Variants in POU6F2 observed in about 807,000 individuals in gnomAD.
POU6F2 encodes POU class 6 homeobox 2, also known as POU domain, class 6, transcription factor 2.
A neutral mutation model predicts 71.3 loss-of-function variants in POU6F2; 31 were observed. The ratio of observed to expected loss-of-function variants is 0.43; its 90% CI spans 0.33 to 0.59. The LOEUF is 0.59. POU6F2 is among the 20% of genes least tolerant of loss of function. The pLI is 0.04. For synonymous variants in POU6F2, 347 were observed against 355.7 expected (o/e 0.98, Z 0.27); for missense variants, 783 against 856.8 (o/e 0.91, Z 1.07).
intron 1 of POU6F2, among the ~76,000 whole-genome samples, chr7:39,017,336 A>G (rs1789579972): frequency 6.6e-6 from 1 of 152,186 alleles, no homozygotes; most frequent in Non-Finnish European, 1.5e-5. Context: ...TGATTTATGT[A>G]ATCTATCTGG....
At chr7:39,148,293 C>T (rs1249446755) in intron 2 of POU6F2, among the ~76,000 whole-genome samples, 1 of 152,200 alleles carries the variant, frequency 6.6e-6, no homozygotes, top group Non-Finnish European at 1.5e-5. Context: ...CATCTAGGTT[C>T]AGAAACTAGT....
intron 4 of POU6F2, among the ~76,000 whole-genome samples, chr7:39,248,195 G>A (rs767915842): frequency 1.3e-5 from 2 of 152,186 alleles, no homozygotes; most frequent in East Asian, 1.9e-4. Flanking sequence ...TTTAAGTGCC[G>A]TAAAGATATT....
chr7:39,141,873 G>A (rs1421735885), intron 2 of POU6F2, among the ~76,000 whole-genome samples: 1 of 152,106 alleles, frequency 6.6e-6, no homozygotes, highest in Non-Finnish European at 1.5e-5. Flanking sequence ...GGATCACGAG[G>A]TCAGGAGATC....
chr7:39,263,355 G>A (rs1002565653), intron 4 of POU6F2, among the ~76,000 whole-genome samples: 5 of 152,160 alleles, frequency 3.3e-5, no homozygotes, highest in African/African-American at 9.6e-5. Flanking sequence ...GTGGACCCAC[G>A]TTTTTAAAAG....
At chr7:39,447,869 G>T (rs1788561396) in intron 7 of POU6F2, among the ~76,000 whole-genome samples, 1 of 152,082 alleles carries the variant, frequency 6.6e-6, no homozygotes, top group African/African-American at 2.4e-5. Context: ...AAGTATATGT[G>T]ATTTTTACAG....
chr7:39,448,817 T>G (rs1378266303), intron 7 of POU6F2, among the ~76,000 whole-genome samples: 1 of 152,194 alleles, frequency 6.6e-6, no homozygotes, highest in African/African-American at 2.4e-5. Flanking sequence ...CTCAAAACTG[T>G]AAAAAGCTTT....
intron 4 of POU6F2, among the ~76,000 whole-genome samples, chr7:39,282,712 A>C (rs552547215): frequency 4.7e-4 from 71 of 152,148 alleles, no homozygotes; most frequent in Middle Eastern, 3.4e-3. Flanking sequence ...GAGTCAGGTA[A>C]TGTGATGCCT....
intron 1 of POU6F2, among the ~76,000 whole-genome samples, chr7:39,012,595 G>A (rs1372470430): frequency 1.3e-5 from 2 of 151,974 alleles, no homozygotes. Flanking sequence ...AGGAGGAGAG[G>A]CGCTCTGCAT....
At chr7:39,340,769 A>T (rs141497561) in intron 5 of POU6F2, among the ~76,000 whole-genome samples, 788 of 37,192 alleles carry the variant, frequency 0.021, 8 homozygotes, top group East Asian at 0.091. Flanking sequence ...ATATATATAT[A>T]TATATGACTT....
At chr7:39,244,502 A>G (rs2128751799) in intron 4 of POU6F2, among the ~76,000 whole-genome samples, 1 of 152,318 alleles carries the variant, frequency 6.6e-6, no homozygotes, top group East Asian at 1.9e-4. Flanking sequence ...AAATACATCA[A>G]TGTATGAGAA....
intron 5 of POU6F2, among the ~76,000 whole-genome samples, chr7:39,403,936 C>T (rs1361568360): frequency 6.6e-6 from 1 of 152,228 alleles, no homozygotes; most frequent in Non-Finnish European, 1.5e-5. Context: ...GTGGTTCTAG[C>T]TCTAGTTCTA....
At chr7:39,132,664 T>TA in intron 2 of POU6F2, 1 of 152,334 alleles carries the variant, frequency 6.6e-6, no homozygotes, top group South Asian at 2.1e-4. Context: ...ACACTGCTGT[T>TA]AACGTGGCTT....
At chr7:39,252,383 T>TACAG (rs200896239) in intron 4 of POU6F2, among the ~76,000 whole-genome samples, 14,073 of 140,030 alleles carry the variant, frequency 0.1, 733 homozygotes, top group East Asian at 0.18. Context: ...CACACACACA[T>TACAG]ACAGACAGAC....
rs149286431 is a variant in POU6F2, at chr7:39,320,512, G to T, written c.599-19130G>T. Among the ~76,000 whole-genome samples, 360 of 152,210 alleles carry T rather than the reference G, an allele frequency of 2.4e-3. 2 individuals carry two copies. Among genetic ancestry groups the T allele is most frequent in the African/African-American group, 8.1e-3 (337 of 41,520 alleles). On this transcript the variant is annotated intron_variant, in intron 4 of 9. Transcript: ENST00000518318. ...CAAAGGGGTTCATAATCCAAAAAGT[G>T]TTTTTGCAGCCCTGGAGTTTCAGCA...
chr7:39,397,834 A>ATATATATATAT (rs1395034721), intron 5 of POU6F2, among the ~76,000 whole-genome samples: 17 of 143,654 alleles, frequency 1.2e-4, no homozygotes, highest in South Asian at 1.1e-3. Flanking sequence ...ATATATATAT[A>ATATATATATAT]GTAGAGACGG....
intron 2 of POU6F2, among the ~76,000 whole-genome samples, chr7:39,098,470 G>GC (rs1791501600): frequency 6.6e-6 from 1 of 151,554 alleles, no homozygotes; most frequent in Admixed American, 6.6e-5. Flanking sequence ...CAAGAGAGGG[G>GC]GGGTCTCACT....
chr7:39,389,236 A>T (rs541446959), intron 5 of POU6F2, among the ~76,000 whole-genome samples: 1 of 152,232 alleles, frequency 6.6e-6, no homozygotes, highest in Admixed American at 6.5e-5. Flanking sequence ...TGTCTTGAAT[A>T]AATGTATTTC....
At chr7:39,113,550 A>C (rs989831817) in intron 2 of POU6F2, among the ~76,000 whole-genome samples, 2 of 152,212 alleles carry the variant, frequency 1.3e-5, no homozygotes, top group African/African-American at 4.8e-5. Context: ...AACAGAGATA[A>C]AATCAGGGCT....
In POU6F2 at chr7:39,464,940, G is replaced by A; in HGVS notation, c.*254G>A. 4.0e-6 allele frequency: 2 copies of A among 495,956 alleles called. No individual in the cohort carries two copies. The highest frequency in any genetic ancestry group is 7.0e-6 in the Non-Finnish European group (2 of 286,486). 30.7% of individuals were successfully genotyped at this position (495,956 alleles called of 1,614,324 possible). A position where few individuals can be genotyped will look rare whatever the true frequency, so the allele number is the denominator to read the frequency against. On this transcript the variant is annotated 3_prime_UTR_variant, in exon 10 of 10. Transcript: ENST00000518318. The surrounding 1 kb of genome is among the most constrained non-coding windows in gnomAD (Gnocchi z 4.1). ...AAGGAATACACCACACTGAAGGTGT[G>A]TGTGGTAGGATAGTTCCCTTCCCCC...
Sources: gnomAD v4.1 joint callset for allele counts (sites outside exome capture counted in the v4.1 genomes callset) on GRCh38, gnomAD v4.1.1 for gene constraint, Gnocchi (gnomAD v3.1) non-coding constraint, MANE v1.5 for transcripts, NCBI Gene and HGNC (gene_info 2026-07-23, HGNC 2026-07-21) for gene names.